Variants in CTNNA3 observed in about 807,000 individuals in gnomAD.
CTNNA3 encodes the protein catenin alpha 3, also known as catenin alpha-3.
Under a neutral mutation model 95.7 loss-of-function variants are expected in CTNNA3, and 76 were observed. The observed-to-expected ratio is 0.79, with a 90% CI of 0.66 to 0.96. CTNNA3 has a LOEUF of 0.96. Among genes scored for constraint, CTNNA3 ranks in the 40% least tolerant of loss-of-function variants. The pLI, the probability that CTNNA3 is intolerant of heterozygous loss-of-function variation, is 0.00. For synonymous variants in CTNNA3, 431 were observed against 374.4 expected, an observed-to-expected ratio of 1.15 and a Z score of -1.74; for missense variants, 1,191 against 1,089.8, an observed-to-expected ratio of 1.09 and a Z score of -1.31.
intron 12 of CTNNA3, among the ~76,000 whole-genome samples, chr10:66,340,082 G>C (rs2092438583): frequency 6.6e-6 from 1 of 151,618 alleles, no homozygotes; most frequent in East Asian, 1.9e-4. Flanking sequence ...AAAAGGACAG[G>C]GTTATATTTG....
intron 2 of CTNNA3, among the ~76,000 whole-genome samples, chr10:67,608,445 T>C (rs575027369): frequency 1.1e-4 from 17 of 152,220 alleles, no homozygotes; most frequent in Non-Finnish European, 2.2e-4. Flanking sequence ...ATTTTTTATA[T>C]GAAGTTTCTG....
chr10:67,139,299 A>ATTTTTTTTTTTTTTTTTTTT (rs60290459), intron 7 of CTNNA3, among the ~76,000 whole-genome samples: 1 of 117,922 alleles, frequency 8.5e-6, no homozygotes, highest in Non-Finnish European at 1.7e-5. Context: ...CGCCCGGCTA[A>ATTTTTTTTTTTTTTTTTTTT]TTTTTTTTTT....
chr10:66,212,103 T>G (rs1589745109), intron 13 of CTNNA3, among the ~76,000 whole-genome samples: 1 of 150,494 alleles, frequency 6.6e-6, no homozygotes, highest in East Asian at 2.0e-4. Context: ...AATTCTCCTG[T>G]CTCAGCCTCC....
chr10:66,136,737 G>C (rs2083376374), intron 13 of CTNNA3, among the ~76,000 whole-genome samples: 1 of 152,116 alleles, frequency 6.6e-6, no homozygotes, highest in Non-Finnish European at 1.5e-5. Context: ...TTATCTCCAT[G>C]ACAGATGTAA....
intron 7 of CTNNA3, among the ~76,000 whole-genome samples, chr10:66,972,245 T>C (rs938782205): frequency 2.6e-5 from 4 of 152,204 alleles, no homozygotes; most frequent in Non-Finnish European, 5.9e-5. Context: ...CCTCCTTCAT[T>C]ATTCGGCTTC....
intron 17 of CTNNA3, among the ~76,000 whole-genome samples, chr10:65,927,698 C>A (rs1476676776): frequency 1.3e-5 from 2 of 152,074 alleles, no homozygotes; most frequent in Non-Finnish European, 2.9e-5. Flanking sequence ...AATTCATTAT[C>A]TTTGTGACTG....
chr10:66,939,106 G>A (rs542342511), intron 7 of CTNNA3, among the ~76,000 whole-genome samples: 5 of 152,178 alleles, frequency 3.3e-5, no homozygotes, highest in African/African-American at 9.6e-5. Flanking sequence ...GATTTTACGC[G>A]TTTCCAAAGT....
In CTNNA3 at chr10:66,432,515, G is replaced by A. The variant is rs182170782; in HGVS notation, c.1532-53163C>T. Among the ~76,000 whole-genome samples the A allele has an allele frequency of 2.5e-3, 376 of 152,094 alleles. 2 individuals are homozygous for A. The highest frequency in any genetic ancestry group is 8.2e-3 in the African/African-American group (339 of 41,480). On this transcript the variant is annotated intron_variant, in intron 11 of 17. Transcript: ENST00000433211. The stretch of plus-strand genomic sequence containing the variant: ...CTACTAAAAATACAAAAAATTAGCC[G>A]GGCGTAGTGGTGGCAGGTGCCTGTA...
At chr10:66,613,687 C>A (rs1006497233) in intron 10 of CTNNA3, among the ~76,000 whole-genome samples, 2 of 151,886 alleles carry the variant, frequency 1.3e-5, no homozygotes, top group African/African-American at 4.8e-5. Flanking sequence ...AATAAAATCA[C>A]CTCATTTAAG....
intron 13 of CTNNA3, among the ~76,000 whole-genome samples, chr10:66,165,624 T>G (rs2085088005): frequency 6.6e-6 from 1 of 152,088 alleles, no homozygotes; most frequent in Non-Finnish European, 1.5e-5. Context: ...TGGTGAAATA[T>G]ATAGTATTTA....
chr10:67,561,649 G>A (rs1442813222), intron 3 of CTNNA3, among the ~76,000 whole-genome samples: 1 of 150,602 alleles, frequency 6.6e-6, no homozygotes, highest in Non-Finnish European at 1.5e-5. Flanking sequence ...GAGCAGAACT[G>A]AAGGAAATAG....
chr10:67,581,135 C>T (rs1034141303), intron 3 of CTNNA3, among the ~76,000 whole-genome samples: 16 of 152,134 alleles, frequency 1.1e-4, no homozygotes, highest in African/African-American at 3.9e-4. Flanking sequence ...CTGTCTTGTG[C>T]TCGTTTTCAA....
chr10:66,967,722 G>A (rs762233092), intron 7 of CTNNA3, among the ~76,000 whole-genome samples: 2 of 151,908 alleles, frequency 1.3e-5, no homozygotes, highest in Non-Finnish European at 2.9e-5. Context: ...AAAATTCTGA[G>A]GTGTGAAACA....
chr10:65,990,397 T>A (rs1310970074), intron 15 of CTNNA3, among the ~76,000 whole-genome samples: 2 of 150,978 alleles, frequency 1.3e-5, no homozygotes, highest in African/African-American at 4.8e-5. Context: ...ATCTGTTTTT[T>A]TTTTTTTCCT....
intron 13 of CTNNA3, among the ~76,000 whole-genome samples, chr10:66,238,652 T>C (rs1003806236): frequency 6.6e-5 from 10 of 150,510 alleles, no homozygotes; most frequent in African/African-American, 2.4e-4. Flanking sequence ...TATAATCTGA[T>C]CCCATTTTGG....
chr10:67,313,280 A>C (rs2616682), intron 5 of CTNNA3, among the ~76,000 whole-genome samples: 114,224 of 151,590 alleles, frequency 0.75, 45,028 homozygotes, highest in Non-Finnish European at 0.88. Context: ...ACTAAAAATA[A>C]AAAAAAATAA....
At chr10:66,695,474 T>A (rs987794775) in intron 9 of CTNNA3, among the ~76,000 whole-genome samples, 1 of 152,130 alleles carries the variant, frequency 6.6e-6, no homozygotes, top group Non-Finnish European at 1.5e-5. Flanking sequence ...TTAAATGAAA[T>A]GAGAAAGTAT....
intron 12 of CTNNA3, among the ~76,000 whole-genome samples, chr10:66,286,550 G>A (rs1328683432): frequency 6.6e-6 from 1 of 151,998 alleles, no homozygotes; most frequent in Non-Finnish European, 1.5e-5. Flanking sequence ...AGGGCTCCAA[G>A]GTCTGTAGTG....
At chr10:66,310,986 A>C (rs2092012702) in intron 12 of CTNNA3, among the ~76,000 whole-genome samples, 1 of 152,072 alleles carries the variant, frequency 6.6e-6, no homozygotes, top group African/African-American at 2.4e-5. Flanking sequence ...TATAACTCTT[A>C]CTTTTGGAAG....
Sources: gnomAD v4.1 joint callset for allele counts (sites outside exome capture counted in the v4.1 genomes callset) on GRCh38, gnomAD v4.1.1 for gene constraint, MANE v1.5 for transcripts, NCBI Gene and HGNC (gene_info 2026-07-23, HGNC 2026-07-21) for gene names.